The following DDX11 variants were observed in gnomAD, a reference collection of about 807,000 sequenced individuals.
DDX11 encodes DEAD/H-box helicase 11.
DDX11 carries 72 observed loss-of-function variants against 125.2 expected under a neutral mutation model. The ratio of observed to expected loss-of-function variants is 0.58; its 90% CI spans 0.48 to 0.70. The LOEUF is 0.70. Ranked by LOEUF, DDX11 falls within the 30% of genes least tolerant of loss-of-function variation. DDX11 has a pLI of 0.00. For synonymous variants in DDX11, 347 were observed against 452.6 expected (o/e 0.77, Z 2.96); for missense variants, 883 against 1,165.0 (o/e 0.76, Z 3.52).
chr12:31,090,652 A>G (rs1244061580), intron 9 of DDX11, among the ~76,000 whole-genome samples: 6 of 152,368 alleles, frequency 3.9e-5, no homozygotes, highest in East Asian at 3.9e-4. Context: ...GTAGTATCTC[A>G]CTGTTATTTG....
chr12:31,093,017 C>T, intron 11 of DDX11, 125 bp downstream of exon 11: 4 of 1,080,682 alleles, frequency 3.7e-6, no homozygotes, highest in South Asian at 2.6e-5. Flanking sequence ...GAGCTGCATG[C>T]CATTCATGTC....
At chr12:31,076,833 CAT>C (rs1940793231) in intron 1 of DDX11, 3 of 152,082 alleles carry the variant, frequency 2.0e-5, no homozygotes, top group African/African-American at 7.2e-5. Context: ...CCTCTGTAGT[CAT>C]GTTTTTCTTT....
At chr12:31,086,596 C>G (rs950582806) in intron 5 of DDX11, among the ~76,000 whole-genome samples, 3 of 152,182 alleles carry the variant, frequency 2.0e-5, no homozygotes, top group Non-Finnish European at 4.4e-5. Context: ...TTTCTGCTCC[C>G]TCTCTTCTCC....
At chr12:31,078,558 A>G in intron 2 of DDX11, 21 bp downstream of exon 2, 1 of 1,611,896 alleles carries the variant, frequency 6.2e-7, no homozygotes, top group South Asian at 1.1e-5. Context: ...ACAGTGAGAG[A>G]TACTGAAAAG....
At chr12:31,075,738 G>A (rs1940608874) in intron 1 of DDX11, among the ~76,000 whole-genome samples, 1 of 152,226 alleles carries the variant, frequency 6.6e-6, no homozygotes, top group Admixed American at 6.5e-5. Context: ...AGGTGTCGAA[G>A]CACCTAGTTC....
chr12:31,104,033 A>T lies in DDX11; in HGVS notation c.*197A>T, dbSNP rs1451704932. The T allele has an allele frequency of 3.2e-6, 5 of 1,550,988 alleles. No homozygotes were observed. The highest frequency in any genetic ancestry group is 4.4e-6 in the Non-Finnish European group (5 of 1,147,018). On this transcript the variant is annotated 3_prime_UTR_variant, in exon 27 of 27. Coordinates refer to ENST00000542838, the MANE Select transcript of DDX11 (RefSeq NM_030653.4). ...GGAGAAAATGGGGGAATCCTGAATGAACAGTGGGTCCTGGCTGTCCTTGGG... is the reference window on the plus strand; with the variant it reads ...GGAGAAAATGGGGGAATCCTGAATGTACAGTGGGTCCTGGCTGTCCTTGGG...
At chr12:31,075,223 A>G (rs1565829361) in intron 1 of DDX11, among the ~76,000 whole-genome samples, 1 of 151,184 alleles carries the variant, frequency 6.6e-6, no homozygotes, top group Non-Finnish European at 1.5e-5. Context: ...ATTTATCTAA[A>G]CCTCTATGAT....
chr12:31,101,738 T>G, intron 20 of DDX11, 95 bp from the exon 21 acceptor site: 1 of 1,554,918 alleles, frequency 6.4e-7, no homozygotes, highest in Non-Finnish European at 8.9e-7. Flanking sequence ...CGAGGGTCTC[T>G]CCTCAGTTTT....
At chr12:31,091,650 A>C (rs759797718) in intron 9 of DDX11, 69 bp from the exon 10 acceptor site, 85 of 1,511,132 alleles carry the variant, frequency 5.6e-5, no homozygotes, top group Admixed American at 1.4e-4. Flanking sequence ...TCAGGAGCTC[A>C]GTGTCAGGCA....
chr12:31,080,648 A>G (rs776741619), intron 2 of DDX11, among the ~76,000 whole-genome samples: 1 of 151,894 alleles, frequency 6.6e-6, no homozygotes, highest in East Asian at 1.9e-4. Flanking sequence ...CTCCTAAAAC[A>G]TATTACTCCT....
At chr12:31,077,717 A>G (rs7133363) in intron 1 of DDX11, among the ~76,000 whole-genome samples, 80,838 of 151,428 alleles carry the variant, frequency 0.53, 22,652 homozygotes, top group East Asian at 0.81. Context: ...GGTGGCGGGC[A>G]CCTGTAGTCC....
intron 2 of DDX11, among the ~76,000 whole-genome samples, chr12:31,083,312 T>TTA (rs1555209754): frequency 0.071 from 9,089 of 128,408 alleles, 475 homozygotes; most frequent in East Asian, 0.17. Flanking sequence ...TTAGTTTGCT[T>TTA]AAAAAAAAAA....
intron 2 of DDX11, among the ~76,000 whole-genome samples, chr12:31,082,402 G>A (rs1050087761): frequency 3.3e-5 from 5 of 151,766 alleles, no homozygotes; most frequent in African/African-American, 7.3e-5. Flanking sequence ...GGAAACAAGC[G>A]TAGTGAGGCC....
chr12:31,079,802 T>C (rs1313036585), intron 2 of DDX11, among the ~76,000 whole-genome samples: 2 of 152,170 alleles, frequency 1.3e-5, no homozygotes, highest in East Asian at 3.9e-4. Context: ...ACAGCTTCTT[T>C]TGTTTTGTTT....
At chr12:31,090,334 G>GTGCATTCCTAGTGAA (rs1209037993) in intron 9 of DDX11, among the ~76,000 whole-genome samples, 2 of 148,858 alleles carry the variant, frequency 1.3e-5, no homozygotes, top group East Asian at 4.0e-4. Context: ...AGGAAAGCCG[G>GTGCATTCCTAGTGAA]TGCATTCCTA....
chr12:31,088,780 C>T (rs1943627940), intron 6 of DDX11, among the ~76,000 whole-genome samples: 1 of 152,182 alleles, frequency 6.6e-6, no homozygotes, highest in South Asian at 2.1e-4. Context: ...CCCCCAAAAG[C>T]GGTTGATTAG....
intron 8 of DDX11, 153 bp downstream of exon 8, chr12:31,089,643 T>G: frequency 9.7e-7 from 1 of 1,029,592 alleles, no homozygotes; most frequent in African/African-American, 1.6e-5. Context: ...GAAAAAGTGT[T>G]CCTACTCTCT....
chr12:31,092,794 T>G, intron 10 of DDX11, 52 bp from the exon 11 acceptor site: 3 of 1,561,784 alleles, frequency 1.9e-6, no homozygotes, highest in Non-Finnish European at 1.8e-6. Context: ...AAGATGTCAG[T>G]ACCTTAGCCC....
At chr12:31,102,580 C>T (rs1346664006) in intron 23 of DDX11, 53 bp downstream of exon 23, 3 of 1,539,376 alleles carry the variant, frequency 1.9e-6, no homozygotes, top group Non-Finnish European at 2.7e-6. Context: ...CCGGCCCTCA[C>T]TCCCAGCAGC....
Sources: gnomAD v4.1 joint callset for allele counts (sites outside exome capture counted in the v4.1 genomes callset) on GRCh38, gnomAD v4.1.1 for gene constraint, MANE v1.5 for transcripts, NCBI Gene and HGNC (gene_info 2026-07-23, HGNC 2026-07-21) for gene names.